ITGAX: variants seen among roughly 807,000 people sequenced by gnomAD.
The protein encoded by ITGAX is integrin subunit alpha X, also known as integrin alpha-X.
In ITGAX, 99 loss-of-function variants were observed where a neutral mutation model predicts 140.2. That is an observed-to-expected ratio of 0.71 (90% confidence interval 0.60 to 0.83). The LOEUF is 0.83. ITGAX is among the 40% of genes least tolerant of loss of function. The pLI is 0.00. For synonymous variants in ITGAX, 631 were observed against 600.4 expected (o/e 1.05, Z -0.75); for missense variants, 1,444 against 1,482.0 (o/e 0.97, Z 0.42).
intron 17 of ITGAX, 78 bp downstream of exon 17, chr16:31,371,862 TC>T: frequency 6.5e-7 from 1 of 1,534,362 alleles, no homozygotes; most frequent in Non-Finnish European, 8.8e-7. Flanking sequence ...CAGGCTGTGT[TC>T]CGGCCTCCCT....
At chr16:31,365,931 C>T (rs1597071489) in intron 14 of ITGAX, among the ~76,000 whole-genome samples, 4 of 152,172 alleles carry the variant, frequency 2.6e-5, no homozygotes, top group African/African-American at 9.6e-5. Context: ...TCTAAACAAA[C>T]AAACAAACAA....
chr16:31,363,944 T>G (rs1193603100), intron 14 of ITGAX, among the ~76,000 whole-genome samples: 2 of 152,170 alleles, frequency 1.3e-5, no homozygotes, highest in Non-Finnish European at 2.9e-5. Flanking sequence ...TTAGGTCCAG[T>G]CATTTCAACC....
rs759700394 is a variant in ITGAX, at chr16:31,359,788, C to T, written c.519C>T (p.Phe173=). 5.8e-5 allele frequency: 94 copies of T among 1,614,026 alleles called. No individual in the cohort carries two copies. The Admixed American group carries it at 1.3e-3, about 23-fold the overall frequency. ...GCAACTTTGCCACGATGATGAACTT[C>T]GTGAGAGCTGTGATAAGCCAGTTCC... The part of the protein sequence containing the change: ...SSRNFATMMN[F]VRAVISQFQR... Residue 173 remains phenylalanine (F), a synonymous_variant, in exon 6 of 30, where the codon TTC becomes TTT. Transcript: ENST00000268296.
In ITGAX at chr16:31,363,384, T is replaced by C. The variant is rs1174059712; in HGVS notation, c.1710+10T>C. The C allele has an allele frequency of 6.2e-7, 1 of 1,612,006 alleles. No homozygotes were observed. Among genetic ancestry groups the C allele is most frequent in the African/African-American group, 1.3e-5 (1 of 74,990 alleles). ...CCCCTCCCACAGCCAGGTGAGGCCG[T>C]GTCCCATTTCTGTCACTAGAGCAGC... is the stretch of plus-strand genomic sequence containing the variant. On this transcript the variant is annotated intron_variant, in intron 14 of 29. Transcript: ENST00000268296.
In ITGAX at chr16:31,376,786, T is replaced by G; in HGVS notation, c.2509-13T>G. ...ATTTCAACTAATACTCCTCTACTTT[T>G]TCTCATGCCTAGAAACAAGGGCAGC... On this transcript the variant is annotated splice_polypyrimidine_tract_variant and intron_variant, in intron 20 of 29. Transcript: ENST00000268296. 1 of 1,613,434 alleles carries G rather than the reference T, an allele frequency of 6.2e-7. No individual in the cohort carries two copies. Among genetic ancestry groups the G allele is most frequent in the East Asian group, 2.2e-5 (1 of 44,864 alleles).
Position 31,363,272 on chromosome 16 carries a change from G to A in ITGAX, c.1608G>A (p.Leu536=). 1 of 1,613,858 alleles carries A rather than the reference G, an allele frequency of 6.2e-7. No individual in the cohort carries two copies. Among genetic ancestry groups the A allele is most frequent in the Non-Finnish European group, 8.5e-7 (1 of 1,179,888 alleles). The change falls in exon 14 of 30, where the codon CTG becomes CTA. Residue 536 remains leucine, a synonymous_variant. Coordinates refer to ENST00000268296, the MANE Select transcript of ITGAX (RefSeq NM_000887.5). ...TVLGDVNGDK[L]TDVVIGAPGE... is the part of the protein sequence containing the mutation. ...TGGGGGATGTGAATGGGGACAAGCT[G>A]ACAGACGTGGTCATCGGGGCCCCAG...
chr16:31,367,312 A>G (rs2080901949), intron 14 of ITGAX, among the ~76,000 whole-genome samples: 1 of 152,238 alleles, frequency 6.6e-6, no homozygotes, highest in Non-Finnish European at 1.5e-5. Flanking sequence ...GCTACACTCA[A>G]CAACAGGTTT....
intron 10 of ITGAX, 57 bp downstream of exon 10, chr16:31,361,966 G>A: frequency 8.1e-6 from 13 of 1,612,630 alleles, no homozygotes; most frequent in East Asian, 2.2e-5. Flanking sequence ...AGCAGGGAAG[G>A]CCAGGGTGGG....
intron 5 of ITGAX, 22 bp downstream of exon 5, chr16:31,357,386 G>A: frequency 1.3e-6 from 2 of 1,488,032 alleles, no homozygotes; most frequent in Non-Finnish European, 1.8e-6. Context: ...GACCACCAAG[G>A]CTTTGAGGAG....
intron 14 of ITGAX, among the ~76,000 whole-genome samples, chr16:31,364,357 G>T (rs935169846): frequency 6.7e-6 from 1 of 148,650 alleles, no homozygotes; most frequent in Non-Finnish European, 1.5e-5. Flanking sequence ...AGCCCAGGAG[G>T]TTGAGGCTGC....
Position 31,377,261 on chromosome 16 carries a change from A to G in ITGAX, c.2785A>G (p.Ser929Gly). The G allele has an allele frequency of 6.2e-7, 1 of 1,611,986 alleles. No homozygotes were observed. The highest frequency in any genetic ancestry group is 8.5e-7 in the Non-Finnish European group (1 of 1,179,074). The change falls in exon 23 of 30, where the codon AGC becomes GGC. Residue 929 changes from serine to glycine, a missense_variant. Coordinates refer to ENST00000268296, the MANE Select transcript of ITGAX (RefSeq NM_000887.5). ...GAAGTATGCTGTCTACACTGTGGTT[A>G]GCAGGTCAGCAGGTACCCCACTGCA... ...PVKYAVYTVV[S>G]SHEQFTKYLN...
At chr16:31,380,195 C>A in intron 26 of ITGAX, 71 bp from the exon 27 acceptor site, 1 of 1,551,886 alleles carries the variant, frequency 6.4e-7, no homozygotes, top group South Asian at 1.1e-5. Flanking sequence ...GCCCTCAAGT[C>A]ACACCGCATA....
intron 26 of ITGAX, 94 bp from the exon 27 acceptor site, chr16:31,380,172 G>A (rs1749282032): frequency 7.9e-6 from 12 of 1,520,638 alleles, no homozygotes; most frequent in Middle Eastern, 1.8e-4. Context: ...TCTTGCATTC[G>A]GATATGGCCG....
chr16:31,359,992 C>G lies in ITGAX; in HGVS notation c.634C>G (p.Pro212Ala). The G allele has an allele frequency of 6.2e-7, 1 of 1,614,086 alleles. No individual in the cohort carries two copies. Among genetic ancestry groups the G allele is most frequent in the Non-Finnish European group, 8.5e-7 (1 of 1,180,032 alleles). ...TFEEFRRSSN[P>A]LSLLASVHQL... ...CGAGGAATTCAGGCGCAGCTCAAAC[C>G]CCCTCAGCCTGTTGGCTTCTGTTCA... The change falls in exon 7 of 30, where the codon CCC becomes GCC. Residue 212 changes from proline (P) to alanine (A), a missense_variant. Physicochemically the swap from Pro to Ala is conservative, Grantham distance 27. Coordinates refer to ENST00000268296, the MANE Select transcript of ITGAX (RefSeq NM_000887.5).
In ITGAX at chr16:31,381,925, ACTT is replaced by A. The variant is rs1443369417; in HGVS notation, c.*24_*26del. On this transcript the variant is annotated 3_prime_UTR_variant, in exon 30 of 30. Transcript: ENST00000268296. ...AGAAATGATCCCCTCTTTGCCTTGG[ACTT>A]CTTCTCCCCCGCGAGTTTTCCCCAC... is the stretch of plus-strand genomic sequence containing the variant. The A allele has an allele frequency of 7.8e-6, 8 of 1,020,538 alleles. No homozygotes were observed. Among genetic ancestry groups the A allele is most frequent in the East Asian group, 7.1e-5 (3 of 42,244 alleles). The allele number at this position is 1,020,538 out of a possible 1,614,324, so 63.2% of individuals were successfully genotyped here.
rs1247983894 is a variant in ITGAX, at chr16:31,357,338, C to G, written c.404C>G (p.Thr135Ser). The G allele has an allele frequency of 1.9e-6, 3 of 1,605,064 alleles. No homozygotes were observed. Among genetic ancestry groups the G allele is most frequent in the Non-Finnish European group, 2.6e-6 (3 of 1,176,434 alleles). Residue 135 changes from threonine (T) to serine (S), a missense_variant, in exon 5 of 30, where the codon ACC becomes AGC. Physicochemically the swap from Thr to Ser is moderately conservative, Grantham distance 58 (BLOSUM62 1). Coordinates refer to ENST00000268296, the MANE Select transcript of ITGAX (RefSeq NM_000887.5). ...TTCCTCCTGGGCCCCACCCAGCTCA[C>G]CCAGAGGCTCCCGGTGTCCAGGCAG... ...LCFLLGPTQL[T>S]QRLPVSRQEC... is the part of the protein sequence containing the mutation.
intron 4 of ITGAX, 34 bp downstream of exon 4, chr16:31,357,135 G>A (rs1270565459): frequency 6.3e-7 from 1 of 1,583,872 alleles, no homozygotes; most frequent in East Asian, 2.2e-5. Context: ...GGCTTCTGAG[G>A]GAGGGAGGGA....
At chr16:31,372,220 T>A (rs1597077922) in intron 17 of ITGAX, among the ~76,000 whole-genome samples, 158 bp from the exon 18 acceptor site, 1 of 150,104 alleles carries the variant, frequency 6.7e-6, no homozygotes, top group African/African-American at 2.5e-5. Flanking sequence ...AGAGAGGGTG[T>A]CAGGGAGGCC....
At chr16:31,375,574 T>G (rs1415653374) in intron 20 of ITGAX, among the ~76,000 whole-genome samples, 1 of 152,238 alleles carries the variant, frequency 6.6e-6, no homozygotes, top group Admixed American at 6.5e-5. Context: ...TCAACACCAT[T>G]ATCACACCCA....
Sources: gnomAD v4.1 joint callset for allele counts (sites outside exome capture counted in the v4.1 genomes callset) on GRCh38, gnomAD v4.1.1 for gene constraint, MANE v1.5 for transcripts, NCBI Gene and HGNC (gene_info 2026-07-23, HGNC 2026-07-21) for gene names.